Variants in TMEM178B observed in about 807,000 individuals in gnomAD.
TMEM178B encodes the protein transmembrane protein 178B.
In TMEM178B, 5 loss-of-function variants were observed where a neutral mutation model predicts 31.0. That is an observed-to-expected ratio of 0.16 (90% CI 0.08 to 0.34). The LOEUF is 0.34. TMEM178B is among the 10% of genes least tolerant of loss of function. The pLI is 1.00. For missense variants in TMEM178B, 275 were observed against 400.3 expected (o/e 0.69, Z 2.67); for synonymous variants, 164 against 164.0 (o/e 1.00, Z 0.00).
At chr7:141,420,402 C>T (rs1236517320) in intron 2 of TMEM178B, among the ~76,000 whole-genome samples, 2 of 152,036 alleles carry the variant, frequency 1.3e-5, no homozygotes, top group Admixed American at 1.3e-4. Context: ...AACTTTTTTT[C>T]AAGTGAGAGG....
intron 1 of TMEM178B, among the ~76,000 whole-genome samples, chr7:141,136,593 G>A (rs1392953720): frequency 6.6e-6 from 1 of 152,158 alleles, no homozygotes; most frequent in African/African-American, 2.4e-5. Flanking sequence ...ACAACCTGTA[G>A]AATGGTAGAA....
chr7:141,091,863 G>C (rs1237862597), intron 1 of TMEM178B, among the ~76,000 whole-genome samples: 2 of 152,122 alleles, frequency 1.3e-5, no homozygotes, highest in East Asian at 3.9e-4. Context: ...GAGTAGCTGA[G>C]ACTACGGGCA....
chr7:141,134,134 C>T (rs1442368837), intron 1 of TMEM178B, among the ~76,000 whole-genome samples: 3 of 152,048 alleles, frequency 2.0e-5, no homozygotes, highest in African/African-American at 7.2e-5. Context: ...ACTTGGGAGG[C>T]TGAGGTAGGA....
intron 2 of TMEM178B, among the ~76,000 whole-genome samples, chr7:141,385,042 G>A (rs1030503648): frequency 9.2e-5 from 14 of 152,044 alleles, no homozygotes; most frequent in African/African-American, 3.4e-4. Flanking sequence ...CATTTGTTAT[G>A]TACCCCTGAA....
intron 1 of TMEM178B, among the ~76,000 whole-genome samples, chr7:141,111,303 A>G (rs1299164675): frequency 1.3e-5 from 2 of 151,712 alleles, no homozygotes; most frequent in Non-Finnish European, 2.9e-5. Flanking sequence ...GACAGGAAAA[A>G]CCACCCCCCC....
At chr7:141,323,701 G>A (rs1799139889) in intron 2 of TMEM178B, among the ~76,000 whole-genome samples, 1 of 152,048 alleles carries the variant, frequency 6.6e-6, no homozygotes, top group African/African-American at 2.4e-5. Context: ...CTATAGCAGT[G>A]GTTCTTCATG....
intron 2 of TMEM178B, among the ~76,000 whole-genome samples, chr7:141,280,956 GT>G (rs1279407006): frequency 1.3e-5 from 2 of 152,214 alleles, no homozygotes; most frequent in Non-Finnish European, 2.9e-5. Flanking sequence ...AATGTACAAA[GT>G]GAACTATTTC....
intron 1 of TMEM178B, among the ~76,000 whole-genome samples, chr7:141,158,835 T>C (rs1389901212): frequency 6.6e-6 from 1 of 152,168 alleles, no homozygotes; most frequent in Non-Finnish European, 1.5e-5. Flanking sequence ...AGTAATGTCT[T>C]GGTCCTGTGG....
chr7:141,110,690 C>T (rs1487614232), intron 1 of TMEM178B, among the ~76,000 whole-genome samples: 2 of 152,184 alleles, frequency 1.3e-5, no homozygotes, highest in African/African-American at 4.8e-5. Context: ...TAGCAAATTT[C>T]TCCACAGATA....
chr7:141,177,827 A>C (rs961259323), intron 1 of TMEM178B, among the ~76,000 whole-genome samples: 4 of 152,154 alleles, frequency 2.6e-5, no homozygotes. Context: ...TTTTGAGCCT[A>C]TATGTGTCTT....
At chr7:141,201,171 G>C (rs137942688) in intron 1 of TMEM178B, among the ~76,000 whole-genome samples, 2 of 152,254 alleles carry the variant, frequency 1.3e-5, no homozygotes, top group Admixed American at 1.3e-4. Context: ...CCATCCCCTC[G>C]GGTGACAGCA....
At chr7:141,167,253 G>A (rs1796276389) in intron 1 of TMEM178B, among the ~76,000 whole-genome samples, 1 of 152,192 alleles carries the variant, frequency 6.6e-6, no homozygotes, top group African/African-American at 2.4e-5. Flanking sequence ...GTCCTTCAAT[G>A]CAGGACTTAA....
At chr7:141,154,557 C>T (rs1383578089) in intron 1 of TMEM178B, among the ~76,000 whole-genome samples, 2 of 152,176 alleles carry the variant, frequency 1.3e-5, no homozygotes, top group African/African-American at 4.8e-5. Flanking sequence ...TTTTCTGGGT[C>T]AGGGCAGCTG....
At chr7:141,432,913 G>C (rs1037385151) in intron 2 of TMEM178B, among the ~76,000 whole-genome samples, 2 of 152,168 alleles carry the variant, frequency 1.3e-5, no homozygotes, top group African/African-American at 4.8e-5. Context: ...AGTGTCTGTA[G>C]GTCTTTCCTC....
intron 2 of TMEM178B, among the ~76,000 whole-genome samples, chr7:141,407,200 C>T (rs1800899500): frequency 1.3e-5 from 2 of 152,232 alleles, no homozygotes; most frequent in South Asian, 2.1e-4. Flanking sequence ...AGTTTGCTGG[C>T]TTCTGCTCTG....
chr7:141,489,329 C>T, the TMEM178B span, among the ~76,000 whole-genome samples: 1 of 152,282 alleles, frequency 6.6e-6, no homozygotes, highest in East Asian at 1.9e-4. Context: ...AACAGTGAAG[C>T]TCCACTTTTC....
chr7:141,501,847 GCTCTCT>G, the TMEM178B span, among the ~76,000 whole-genome samples: 14 of 148,842 alleles, frequency 9.4e-5, no homozygotes, highest in East Asian at 2.0e-4. Context: ...AGTCTCTCAT[GCTCTCT>G]CTCTCTCTCT....
intron 2 of TMEM178B, among the ~76,000 whole-genome samples, chr7:141,402,379 C>T (rs749538594): frequency 3.9e-5 from 6 of 152,196 alleles, no homozygotes; most frequent in South Asian, 2.1e-4. Flanking sequence ...GATGGGAGTC[C>T]GGTCTCTTTC....
intron 2 of TMEM178B, among the ~76,000 whole-genome samples, chr7:141,408,189 A>C (rs867848590): frequency 6.6e-6 from 1 of 152,166 alleles, no homozygotes; most frequent in Non-Finnish European, 1.5e-5. Flanking sequence ...TAGAAAAAAA[A>C]AAAAGGTGAA....
Sources: gnomAD v4.1 joint callset for allele counts (sites outside exome capture counted in the v4.1 genomes callset) on GRCh38, gnomAD v4.1.1 for gene constraint, MANE v1.5 for transcripts, NCBI Gene and HGNC (gene_info 2026-07-23, HGNC 2026-07-21) for gene names.